The following ELAPOR2 variants were observed in gnomAD, a reference collection of about 807,000 sequenced individuals.
The protein encoded by ELAPOR2 is endosome-lysosome associated apoptosis and autophagy regulator family member 2, also known as endosome/lysosome-associated apoptosis and autophagy regulator family member 2.
Under a neutral mutation model 120.7 loss-of-function variants are expected in ELAPOR2, and 89 were observed. The ratio of observed to expected loss-of-function variants is 0.74; its 90% CI spans 0.62 to 0.88. The LOEUF is 0.88. Ranked by LOEUF, ELAPOR2 falls within the 40% of genes least tolerant of loss-of-function variation. The pLI, the probability that ELAPOR2 is intolerant of heterozygous loss-of-function variation, is 0.00. For missense variants in ELAPOR2, 1,134 were observed against 1,251.6 expected (o/e 0.91, Z 1.42); for synonymous variants, 444 against 444.9 (o/e 1.00, Z 0.03).
chr7:86,960,076 T>A (rs1003953756), intron 2 of ELAPOR2, among the ~76,000 whole-genome samples: 3 of 152,260 alleles, frequency 2.0e-5, no homozygotes, highest in Non-Finnish European at 2.9e-5. Flanking sequence ...ATACTTGGAA[T>A]GATTTTAATC....
chr7:86,932,407 A>G (rs1234913960), intron 8 of ELAPOR2, among the ~76,000 whole-genome samples: 3 of 151,878 alleles, frequency 2.0e-5, no homozygotes, highest in Non-Finnish European at 4.4e-5. Context: ...CATATTTTTA[A>G]AATTCATTAC....
intron 1 of ELAPOR2, among the ~76,000 whole-genome samples, chr7:87,018,524 A>T (rs1793938699): frequency 6.6e-6 from 1 of 152,202 alleles, no homozygotes; most frequent in Admixed American, 6.5e-5. Flanking sequence ...TCAAAAGGTA[A>T]AAACAATTTC....
At chr7:87,053,385 A>G (rs879283175) in intron 1 of ELAPOR2, among the ~76,000 whole-genome samples, 5 of 152,214 alleles carry the variant, frequency 3.3e-5, no homozygotes, top group Non-Finnish European at 5.9e-5. Context: ...GGGAGAGATA[A>G]CATTTGTGTA....
intron 8 of ELAPOR2, among the ~76,000 whole-genome samples, chr7:86,928,049 T>C (rs1790154917): frequency 6.6e-6 from 1 of 151,998 alleles, no homozygotes; most frequent in African/African-American, 2.4e-5. Context: ...GATTAACTTA[T>C]CTGAAGAAGG....
chr7:86,911,560 T>C (rs1789310128), intron 15 of ELAPOR2: 1 of 450,716 alleles, frequency 2.2e-6, no homozygotes, highest in African/African-American at 2.0e-5. Context: ...ATTGCCAGTA[T>C]CAATTAAGAT....
intron 1 of ELAPOR2, among the ~76,000 whole-genome samples, chr7:86,970,440 A>T (rs1430770301): frequency 6.6e-6 from 1 of 152,190 alleles, no homozygotes; most frequent in Non-Finnish European, 1.5e-5. Context: ...ATGAGACCGC[A>T]AATCCTCTGG....
chr7:86,941,989 AAAG>A (rs1562934932), intron 5 of ELAPOR2, 26 bp downstream of exon 5: 8 of 1,390,856 alleles, frequency 5.8e-6, no homozygotes, highest in Non-Finnish European at 8.0e-6. Context: ...AAAAATTGGC[AAAG>A]AAGAAGGAAA....
chr7:87,021,501 C>T (rs1014259567), intron 1 of ELAPOR2, among the ~76,000 whole-genome samples: 2 of 151,840 alleles, frequency 1.3e-5, no homozygotes, highest in Non-Finnish European at 2.9e-5. Flanking sequence ...AACCAGTCAC[C>T]TCTTAAAAAT....
chr7:86,961,677 T>G (rs529406655), intron 2 of ELAPOR2, among the ~76,000 whole-genome samples: 1 of 152,200 alleles, frequency 6.6e-6, no homozygotes, highest in Non-Finnish European at 1.5e-5. Flanking sequence ...CAAGAATAAA[T>G]GAGGAGAATG....
At chr7:87,024,418 T>A (rs570945954) in intron 1 of ELAPOR2, among the ~76,000 whole-genome samples, 2 of 152,324 alleles carry the variant, frequency 1.3e-5, no homozygotes, top group Admixed American at 1.3e-4. Flanking sequence ...TGAAGCCCAC[T>A]TGATCATGGT....
intron 1 of ELAPOR2, among the ~76,000 whole-genome samples, chr7:86,998,533 C>T (rs1433825700): frequency 6.6e-6 from 1 of 152,098 alleles, no homozygotes; most frequent in Non-Finnish European, 1.5e-5. Flanking sequence ...CATTTTGGGG[C>T]AGAGAGTTTG....
At chr7:86,904,065 A>C (rs1456536794) in intron 18 of ELAPOR2, among the ~76,000 whole-genome samples, 1 of 152,174 alleles carries the variant, frequency 6.6e-6, no homozygotes, top group Non-Finnish European at 1.5e-5. Flanking sequence ...TTAGAAAATT[A>C]TTCCATCGTG....
Position 87,059,638 on chromosome 7 carries a change from C to G in ELAPOR2, c.-125G>C. ...GCCGCTCCGTCACCCGCTGCCCGTC[C>G]GCCCGCTGACAGCTCTGCTGCGCTC... is the stretch of plus-strand genomic sequence containing the variant. On this transcript the variant is annotated 5_prime_UTR_variant, in exon 1 of 22. Coordinates refer to ENST00000450689, the MANE Select transcript of ELAPOR2 (RefSeq NM_001142749.3). 1 of 1,023,784 alleles carries G rather than the reference C, an allele frequency of 9.8e-7. No homozygotes were observed. Among genetic ancestry groups the G allele is most frequent in the Non-Finnish European group, 1.2e-6 (1 of 840,064 alleles). The allele number at this position is 1,023,784 out of a possible 1,614,324, so 63.4% of individuals were successfully genotyped here. A position where few individuals can be genotyped will look rare whatever the true frequency, so the allele number is the denominator to read the frequency against.
At chr7:87,047,385 C>T (rs926205180) in intron 1 of ELAPOR2, among the ~76,000 whole-genome samples, 1 of 152,050 alleles carries the variant, frequency 6.6e-6, no homozygotes, top group Admixed American at 6.6e-5. Flanking sequence ...AAACAATAAA[C>T]AAAGTGAAGA....
intron 18 of ELAPOR2, among the ~76,000 whole-genome samples, chr7:86,906,675 G>GA (rs1303693524): frequency 1.3e-5 from 2 of 151,626 alleles, no homozygotes; most frequent in Non-Finnish European, 1.5e-5. Context: ...ATTTGATAGA[G>GA]AAAAAAAATC....
At chr7:86,982,402 C>G (rs1164623821) in intron 1 of ELAPOR2, among the ~76,000 whole-genome samples, 1 of 152,192 alleles carries the variant, frequency 6.6e-6, no homozygotes, top group African/African-American at 2.4e-5. Context: ...GGAGATACCT[C>G]CCAGTAGGGG....
intron 15 of ELAPOR2, 184 bp downstream of exon 15, chr7:86,911,888 G>C: frequency 1.6e-6 from 1 of 622,632 alleles, no homozygotes; most frequent in Admixed American, 2.9e-5. Context: ...AACCAGACAA[G>C]GTTGCCCCTG....
rs1792880942 is a variant in ELAPOR2, at chr7:86,989,781, T to C, written c.190-24757A>G. ...AACAAATATTGAAATATAATAAAGA[T>C]ACAAATTTTTTTATTTTTATATTTT... On this transcript the variant is annotated intron_variant, in intron 1 of 21. Coordinates refer to ENST00000450689, the MANE Select transcript of ELAPOR2 (RefSeq NM_001142749.3). Among the ~76,000 whole-genome samples, 5 of 151,926 alleles carry C rather than the reference T, an allele frequency of 3.3e-5. No homozygotes were observed. In the South Asian group the frequency reaches 6.2e-4, roughly 19 times the overall value.
intron 1 of ELAPOR2, among the ~76,000 whole-genome samples, chr7:86,999,237 A>T (rs1793230936): frequency 6.6e-6 from 1 of 152,146 alleles, no homozygotes; most frequent in African/African-American, 2.4e-5. Context: ...CATGTAATCC[A>T]CTTAATTTGG....
Sources: allele counts gnomAD v4.1 joint callset (sites outside exome capture counted in the v4.1 genomes callset), GRCh38; gene constraint gnomAD v4.1.1; transcripts MANE v1.5; gene names NCBI Gene and HGNC (gene_info 2026-07-23, HGNC 2026-07-21).